The following NEIL3 variants were observed in gnomAD, a reference collection of about 807,000 sequenced individuals.
NEIL3 encodes nei like DNA glycosylase 3.
In NEIL3, 48 loss-of-function variants were observed where a neutral mutation model predicts 57.5. That is an observed-to-expected ratio of 0.83 (90% CI 0.66 to 1.06). NEIL3 has a LOEUF of 1.06. Among genes scored for constraint, NEIL3 ranks in the 50% least tolerant of loss-of-function variants. The pLI is 0.00. For missense variants in NEIL3, 717 were observed against 739.1 expected, an observed-to-expected ratio of 0.97 and a Z score of 0.35; for synonymous variants, 261 against 253.2, an observed-to-expected ratio of 1.03 and a Z score of -0.29.
rs775781156 is a variant in NEIL3, at chr4:177,310,106, G to C, written c.153G>C (p.Pro51=). 7.0e-6 allele frequency: 11 copies of C among 1,575,732 alleles called. No homozygotes were observed. Among genetic ancestry groups the C allele is most frequent in the Admixed American group, 5.8e-5 (3 of 52,042 alleles). Residue 51 remains proline (P), a synonymous_variant, in exon 1 of 10, where the codon CCG becomes CCC. Transcript: ENST00000264596. ...RLAASTVVVS[P]QAAALNNDSS... ...CAGCCTCCACGGTTGTGGTCTCCCC[G>C]CAGGTGAGCTACTCCTGTAACAGGC...
downstream of NEIL3, among the ~76,000 whole-genome samples, chr4:177,365,253 G>A (rs1735678458): frequency 1.3e-5 from 2 of 152,094 alleles, no homozygotes; most frequent in South Asian, 4.1e-4. Flanking sequence ...GTCCCAGTGT[G>A]AGCATGTGAG....
chr4:177,329,978 C>T (rs1186275415), intron 2 of NEIL3, among the ~76,000 whole-genome samples: 1 of 151,896 alleles, frequency 6.6e-6, no homozygotes, highest in Non-Finnish European at 1.5e-5. Context: ...GTGGAGGGAT[C>T]TCTGCTCATT....
At chr4:177,338,552 T>TAG (rs34067968) in intron 4 of NEIL3, among the ~76,000 whole-genome samples, 6,803 of 152,320 alleles carry the variant, frequency 0.045, 312 homozygotes, top group East Asian at 0.28. Context: ...GCTGTACATA[T>TAG]AGATATTCAC....
At chr4:177,351,670 G>A (rs1735356197) in intron 7 of NEIL3, 121 bp downstream of exon 7, 1 of 840,796 alleles carries the variant, frequency 1.2e-6, no homozygotes, top group Admixed American at 2.5e-5. Flanking sequence ...TTTCTCAAAG[G>A]TTTAAAGGAA....
intron 2 of NEIL3, among the ~76,000 whole-genome samples, chr4:177,324,661 C>G (rs1357177699): frequency 6.6e-6 from 1 of 152,164 alleles, no homozygotes; most frequent in Non-Finnish European, 1.5e-5. Context: ...ACACTTTCCA[C>G]TAACTCTTCA....
chr4:177,358,097 G>A (rs541081715), intron 8 of NEIL3, among the ~76,000 whole-genome samples: 16 of 152,204 alleles, frequency 1.1e-4, no homozygotes, highest in Admixed American at 5.9e-4. Context: ...TCTTGGTTAC[G>A]TTACTTCAGT....
At chr4:177,361,132 A>ACC (rs33956248) in intron 9 of NEIL3, among the ~76,000 whole-genome samples, 93,940 of 151,882 alleles carry the variant, frequency 0.62, 30,432 homozygotes, top group East Asian at 0.77. Context: ...ATCCTACTTA[A>ACC]CCACACTTGA....
In NEIL3 at chr4:177,353,523, TCTC is replaced by T. The variant is rs1238709263; in HGVS notation, c.1261_1263del (p.Pro421del). The T allele has an allele frequency of 2.5e-6, 4 of 1,612,272 alleles. No individual in the cohort carries two copies. The African/African-American group carries it at 4.0e-5, about 16-fold the overall frequency. On this transcript the variant is annotated inframe_deletion, in exon 8 of 10. Coordinates refer to ENST00000264596, the MANE Select transcript of NEIL3 (RefSeq NM_018248.3). Reference sequence around the variant, plus strand: ...GATACTAGATGAGGAGTTTCAAAACTCTCCTCCTGCTAGTGTTTGTTTGAATGA... The same window carrying T: ...GATACTAGATGAGGAGTTTCAAAACTCTCCTGCTAGTGTTTGTTTGAATGA...
intron 2 of NEIL3, among the ~76,000 whole-genome samples, chr4:177,331,142 T>A (rs939164751): frequency 6.6e-6 from 1 of 152,244 alleles, no homozygotes; most frequent in South Asian, 2.1e-4. Context: ...AGTTATTTTC[T>A]ATGTTTTAAA....
Position 177,309,984 on chromosome 4 carries a change from G to T in NEIL3, c.31G>T (p.Gly11Ter). 1 of 1,610,652 alleles carries T rather than the reference G, an allele frequency of 6.2e-7. No individual in the cohort carries two copies. The highest frequency in any genetic ancestry group is 1.1e-5 in the South Asian group (1 of 90,694). The change falls in exon 1 of 10, where the codon GGA becomes TGA. Residue 11 changes from glycine (G) to a stop codon, truncating the protein, a stop_gained. Coordinates refer to ENST00000264596, the MANE Select transcript of NEIL3 (RefSeq NM_018248.3). LOFTEE classifies it high-confidence loss of function. The stretch of plus-strand genomic sequence containing the variant: ...GGAAGGACCAGGCTGTACTCTGAAT[G>T]GAGAGAAGATTCGCGCGCGGGTGCT... MVEGPGCTLNGEKIRARVLPG... is the reference protein window; with the variant it reads MVEGPGCTLN
intron 8 of NEIL3, among the ~76,000 whole-genome samples, chr4:177,359,812 C>A (rs1345977784): frequency 6.6e-6 from 1 of 152,144 alleles, no homozygotes; most frequent in Non-Finnish European, 1.5e-5. Context: ...AGTACAAGGC[C>A]AGCTTCTAGC....
intron 7 of NEIL3, among the ~76,000 whole-genome samples, 186 bp from the exon 8 acceptor site, chr4:177,353,122 A>G (rs1474740055): frequency 1.3e-5 from 2 of 152,182 alleles, no homozygotes; most frequent in Non-Finnish European, 2.9e-5. Flanking sequence ...TTTACATAAT[A>G]TTTCATTTCC....
intron 1 of NEIL3, 101 bp from the exon 2 acceptor site, chr4:177,322,358 C>A: frequency 6.9e-7 from 1 of 1,458,744 alleles, no homozygotes; most frequent in Admixed American, 1.8e-5. Context: ...TGGAATGCAC[C>A]TGGGCGTGAA....
intron 2 of NEIL3, among the ~76,000 whole-genome samples, chr4:177,334,139 GT>G (rs1333743499): frequency 6.2e-5 from 9 of 145,944 alleles, no homozygotes; most frequent in Non-Finnish European, 1.4e-4. Context: ...CTATGTCCTG[GT>G]TTAAAAAAAA....
intron 6 of NEIL3, among the ~76,000 whole-genome samples, chr4:177,347,530 G>T (rs1456386143): frequency 6.6e-6 from 1 of 152,212 alleles, no homozygotes; most frequent in Non-Finnish European, 1.5e-5. Flanking sequence ...AGGGCAGCAT[G>T]AAGTGACTTG....
intron 1 of NEIL3, among the ~76,000 whole-genome samples, chr4:177,320,930 T>G (rs1734671699): frequency 1.3e-5 from 2 of 151,762 alleles, no homozygotes; most frequent in Non-Finnish European, 2.9e-5. Context: ...CAACCTTGAA[T>G]GGGTTTAGTG....
intron 5 of NEIL3, 107 bp downstream of exon 5, chr4:177,339,964 C>T (rs1190556263): frequency 2.9e-6 from 2 of 695,708 alleles, no homozygotes; most frequent in South Asian, 3.3e-5. Context: ...GTGGAAAGAG[C>T]ATGGAGGTAC....
chr4:177,337,934 G>A (rs1245104094), intron 4 of NEIL3, among the ~76,000 whole-genome samples: 1 of 152,056 alleles, frequency 6.6e-6, no homozygotes, highest in Non-Finnish European at 1.5e-5. Context: ...CAGGACAATC[G>A]CTTAAGCCCG....
chr4:177,362,183 T>C (rs1449394008), intron 9 of NEIL3, 106 bp from the exon 10 acceptor site: 4 of 659,394 alleles, frequency 6.1e-6, no homozygotes, highest in Non-Finnish European at 9.4e-6. Flanking sequence ...AAATTAATGA[T>C]AACAGCAGTG....
Sources: allele counts gnomAD v4.1 joint callset (sites outside exome capture counted in the v4.1 genomes callset), GRCh38; gene constraint gnomAD v4.1.1; transcripts MANE v1.5; gene names NCBI Gene and HGNC (gene_info 2026-07-23, HGNC 2026-07-21).